The following ACTL7A variants were observed in gnomAD, a reference collection of about 807,000 sequenced individuals.
ACTL7A encodes actin-like protein 7A.
Under a neutral mutation model 30.3 loss-of-function variants are expected in ACTL7A, and 27 were observed. The observed-to-expected ratio is 0.89, with a 90% CI of 0.66 to 1.23. The LOEUF is 1.23. Ranked by LOEUF, ACTL7A falls within the 50% of genes most tolerant of loss-of-function variation. ACTL7A has a pLI of 0.00. For synonymous variants in ACTL7A, 259 were observed against 241.4 expected, an observed-to-expected ratio of 1.07 and a Z score of -0.67; for missense variants, 566 against 571.8, an observed-to-expected ratio of 0.99 and a Z score of 0.10.
chr9:108,862,381 A>T lies in ACTL7A; in HGVS notation c.59A>T (p.Gln20Leu). The stretch of plus-strand genomic sequence containing the variant: ...GGGCCCACCAAGAAGGTGGGCAACC[A>T]GGCCCCCCTGCAGACACAGGCCCTC... ...GDGPTKKVGN[Q>L]APLQTQALQT... The change falls in exon 1 of 1, where the codon CAG becomes CTG. Residue 20 changes from glutamine (Q) to leucine (L), a missense_variant. Coordinates refer to ENST00000333999, the MANE Select transcript of ACTL7A (RefSeq NM_006687.4). 1 of 1,613,918 alleles carries T rather than the reference A, an allele frequency of 6.2e-7. No homozygotes were observed. Among genetic ancestry groups the T allele is most frequent in the Non-Finnish European group, 8.5e-7 (1 of 1,179,982 alleles).
In ACTL7A at chr9:108,862,948, A is replaced by G. The variant is rs778033184; in HGVS notation, c.626A>G (p.Tyr209Cys). Residue 209 changes from tyrosine to cysteine, a missense_variant, in exon 1 of 1, where the codon TAT (tyrosine) becomes TGT (cysteine). Coordinates refer to ENST00000333999, the MANE Select transcript of ACTL7A (RefSeq NM_006687.4). ...CAGTCGCGCCTGTCCATGTACTCCTATGGAAGGACCTCCGGCCTGGTGGTG... is the reference window on the plus strand; with the variant it reads ...CAGTCGCGCCTGTCCATGTACTCCTGTGGAAGGACCTCCGGCCTGGTGGTG... ...AYQSRLSMYS[Y>C]GRTSGLVVEV... 169 of 1,610,124 alleles carry G rather than the reference A, an allele frequency of 1.0e-4. 1 individual carries two copies. In the South Asian group the frequency reaches 1.8e-3, roughly 17 times the overall value.
Position 108,862,912 on chromosome 9 carries a change from A to C in ACTL7A, c.590A>C (p.His197Pro). ...LFEAFNTPAMHIAYQSRLSMY... is the reference protein window; with the variant it reads ...LFEAFNTPAMPIAYQSRLSMY... ...GAAGCCTTCAACACCCCTGCAATGC[A>C]CATCGCCTACCAGTCGCGCCTGTCC... is the stretch of plus-strand genomic sequence containing the variant. Residue 197 changes from histidine to proline, a missense_variant, in exon 1 of 1, where the codon CAC (histidine) becomes CCC (proline). Coordinates refer to ENST00000333999, the MANE Select transcript of ACTL7A (RefSeq NM_006687.4). 14 of 1,611,358 alleles carry C rather than the reference A, an allele frequency of 8.7e-6. No homozygotes were observed. The highest frequency in any genetic ancestry group is 1.2e-5 in the Non-Finnish European group (14 of 1,178,452).
rs753762911 is a variant in ACTL7A, at chr9:108,863,625, T to C, written c.1303T>C (p.Phe435Leu). Residue 435 changes from phenylalanine (F) to leucine (L), a missense_variant, in exon 1 of 1, where the codon TTC becomes CTC. By Grantham distance (22) the Phe-to-Leu change is conservative. Coordinates refer to ENST00000333999, the MANE Select transcript of ACTL7A (RefSeq NM_006687.4). ...HGPFFLYRRC[F>L] is the part of the protein sequence containing the mutation. ...GCCTTTCTTCCTCTACAGAAGGTGC[T>C]TCTGAACAGCGACGAGGATGGACAC... is the stretch of plus-strand genomic sequence containing the variant. 1.2e-6 allele frequency: 2 copies of C among 1,604,434 alleles called. No homozygotes were observed. The highest frequency in any genetic ancestry group is 1.7e-6 in the Non-Finnish European group (2 of 1,174,248).
Position 108,862,550 on chromosome 9 carries a change from G to A in ACTL7A, c.228G>A (p.Leu76=). 6.2e-7 allele frequency: 1 copy of A among 1,614,130 alleles called. No individual in the cohort carries two copies. The highest frequency in any genetic ancestry group is 8.5e-7 in the Non-Finnish European group (1 of 1,180,020). ...QEVTKAVVVD[L]GTGYCKCGFA... is the part of the protein sequence containing the mutation. ...TGACCAAAGCAGTGGTCGTGGACCT[G>A]GGCACTGGCTACTGTAAATGTGGCT... The change falls in exon 1 of 1, where the codon CTG becomes CTA. Residue 76 remains leucine (L), a synonymous_variant. Transcript: ENST00000333999.
rs17851211 is a variant in ACTL7A at position 108,863,567 on chromosome 9, G to T, written c.1245G>T (p.Leu415Phe). Residue 415 changes from leucine to phenylalanine, a missense_variant, in exon 1 of 1, where the codon TTG becomes TTT. Leu to Phe is a conservative substitution (Grantham distance 22). Coordinates refer to ENST00000333999, the MANE Select transcript of ACTL7A (RefSeq NM_006687.4). ...CCTCACTTCAGGGTTTCCAACCATTGTGGGTCCACCGCTTTGAGTACGAGG... is the reference window on the plus strand; with the variant it reads ...CCTCACTTCAGGGTTTCCAACCATTTTGGGTCCACCGCTTTGAGTACGAGG... Reference protein sequence around the residue: ...ILASLQGFQPLWVHRFEYEEH... With the variant: ...ILASLQGFQPFWVHRFEYEEH... 6.2e-7 allele frequency: 1 copy of T among 1,614,062 alleles called. No homozygotes were observed. The highest frequency in any genetic ancestry group is 8.5e-7 in the Non-Finnish European group (1 of 1,180,036).
At position 108,862,713 on chromosome 9, in the gene ACTL7A, C is replaced by A. The variant is rs369642057; in HGVS notation, c.391C>A (p.Leu131Met). ...ELNNTNVHLK[L>M]VNPLRHGIIV... is the part of the protein sequence containing the mutation. ...CAACAACACAAACGTTCATCTCAAGCTGGTTAACCCTCTGCGACATGGCAT... is the reference window on the plus strand; with the variant it reads ...CAACAACACAAACGTTCATCTCAAGATGGTTAACCCTCTGCGACATGGCAT... Residue 131 changes from leucine (L) to methionine (M), a missense_variant, in exon 1 of 1, where the codon CTG becomes ATG. Transcript: ENST00000333999. 5.6e-6 allele frequency: 9 copies of A among 1,614,202 alleles called. No homozygotes were observed. Among genetic ancestry groups the A allele is most frequent in the Non-Finnish European group, 7.6e-6 (9 of 1,180,046 alleles).
Position 108,862,329 on chromosome 9 carries a change from G to C in ACTL7A, c.7G>C (p.Ala3Pro). 2 of 1,608,734 alleles carry C rather than the reference G, an allele frequency of 1.2e-6. No individual in the cohort carries two copies. The highest frequency in any genetic ancestry group is 4.5e-5 in the East Asian group (2 of 44,812). The stretch of plus-strand genomic sequence containing the variant: ...TGGTGCGGCTCTTGACAACATGTGG[G>C]CTCCACCAGCAGCAATCATGGGGGA... MW[A>P]PPAAIMGDGP... Residue 3 changes from alanine (A) to proline (P), a missense_variant, in exon 1 of 1, where the codon GCT (alanine) becomes CCT (proline). Ala to Pro is a conservative substitution (Grantham distance 27). Coordinates refer to ENST00000333999, the MANE Select transcript of ACTL7A (RefSeq NM_006687.4).
Position 108,863,690 on chromosome 9 carries a change from CCTA to C in ACTL7A, c.*62_*64del. 6.7e-7 allele frequency: 1 copy of C among 1,490,268 alleles called. No homozygotes were observed. The highest frequency in any genetic ancestry group is 1.3e-5 in the South Asian group (1 of 76,248). The allele number at this position is 1,490,268 out of a possible 1,614,324, so 92.3% of individuals were successfully genotyped here. A position where few individuals can be genotyped will look rare whatever the true frequency, so the allele number is the denominator to read the frequency against. On this transcript the variant is annotated 3_prime_UTR_variant, in exon 1 of 1. Coordinates refer to ENST00000333999, the MANE Select transcript of ACTL7A (RefSeq NM_006687.4). ...CTACCCTCGACAGGGTGAGCGCACT[CCTA>C]CACACAGGGGGTGGAGCCGGCGCTT... is the stretch of plus-strand genomic sequence containing the variant.
rs746348823 is a variant in ACTL7A at position 108,862,970 on chromosome 9, G to C, written c.648G>C (p.Val216=). Residue 216 remains valine (V), a synonymous_variant, in exon 1 of 1, where the codon GTG becomes GTC. Transcript: ENST00000333999. ...MYSYGRTSGL[V]VEVGHGVSYV... is the part of the protein sequence containing the mutation. ...CCTATGGAAGGACCTCCGGCCTGGT[G>C]GTGGAGGTGGGCCATGGCGTGTCCT... 7.5e-6 allele frequency: 12 copies of C among 1,609,392 alleles called. No homozygotes were observed. The highest frequency in any genetic ancestry group is 9.3e-6 in the Non-Finnish European group (11 of 1,177,170).
At position 108,862,456 on chromosome 9, in the gene ACTL7A, G is replaced by A. The variant is rs766550736; in HGVS notation, c.134G>A (p.Arg45His). 4.2e-5 allele frequency: 67 copies of A among 1,613,904 alleles called. No individual in the cohort carries two copies. Among genetic ancestry groups the A allele is most frequent in the South Asian group, 3.8e-4 (35 of 91,078 alleles). The change falls in exon 1 of 1, where the codon CGC (arginine) becomes CAC (histidine). Residue 45 changes from arginine to histidine, a missense_variant. Physicochemically the swap from Arg to His is conservative, Grantham distance 29. Coordinates refer to ENST00000333999, the MANE Select transcript of ACTL7A (RefSeq NM_006687.4). ...CCGGCGAAGCGGGCCGTGTGGGTCCGCCATACGAGTTCAGAGCCACAAGAA... is the reference window on the plus strand; with the variant it reads ...CCGGCGAAGCGGGCCGTGTGGGTCCACCATACGAGTTCAGAGCCACAAGAA... ...DGPAKRAVWV[R>H]HTSSEPQEPT... is the part of the protein sequence containing the mutation.
Position 108,863,256 on chromosome 9 carries a change from T to C in ACTL7A, c.934T>C (p.Cys312Arg). ...VLPDGKEIQLCQERFLCSEMF... is the reference protein window; with the variant it reads ...VLPDGKEIQLRQERFLCSEMF... ...GCCGGATGGGAAGGAGATTCAGCTG[T>C]GCCAGGAACGGTTCCTCTGCTCGGA... is the stretch of plus-strand genomic sequence containing the variant. The change falls in exon 1 of 1, where the codon TGC becomes CGC. Residue 312 changes from cysteine to arginine, a missense_variant. By Grantham distance (180) the Cys-to-Arg change is radical. Coordinates refer to ENST00000333999, the MANE Select transcript of ACTL7A (RefSeq NM_006687.4). 6.2e-7 allele frequency: 1 copy of C among 1,614,094 alleles called. No homozygotes were observed. The highest frequency in any genetic ancestry group is 1.1e-5 in the South Asian group (1 of 91,080).
Position 108,863,681 on chromosome 9 carries a change from G to A in ACTL7A, c.*51G>A. 2.6e-6 allele frequency: 4 copies of A among 1,528,116 alleles called. No individual in the cohort carries two copies. The highest frequency in any genetic ancestry group is 3.6e-6 in the Non-Finnish European group (4 of 1,126,372). The allele number at this position is 1,528,116 out of a possible 1,614,324, so 94.7% of individuals were successfully genotyped here. On this transcript the variant is annotated 3_prime_UTR_variant, in exon 1 of 1. Coordinates refer to ENST00000333999, the MANE Select transcript of ACTL7A (RefSeq NM_006687.4). ...TGGCAGTGCCTACCCTCGACAGGGTGAGCGCACTCCTACACACAGGGGGTG... is the reference window on the plus strand; with the variant it reads ...TGGCAGTGCCTACCCTCGACAGGGTAAGCGCACTCCTACACACAGGGGGTG...
Position 108,862,355 on chromosome 9 carries a change from TG to T in ACTL7A, c.36del (p.Thr14ProfsTer20). 1.2e-6 allele frequency: 2 copies of T among 1,613,282 alleles called. No homozygotes were observed. Among genetic ancestry groups the T allele is most frequent in the Non-Finnish European group, 1.7e-6 (2 of 1,179,760 alleles). ...WAPPAAIMGD[G>X]PTKKVGNQAP... is the part of the protein sequence containing the mutation. ...CTCCACCAGCAGCAATCATGGGGGA[TG>T]GGCCCACCAAGAAGGTGGGCAACCA... On this transcript the variant is annotated frameshift_variant, in exon 1 of 1. Transcript: ENST00000333999. LOFTEE classifies it high-confidence loss of function.
At position 108,863,663 on chromosome 9, in the gene ACTL7A, G is replaced by A. The variant is rs771744553; in HGVS notation, c.*33G>A. ...CGAGGATGGACACTGCACTGGCAGT[G>A]CCTACCCTCGACAGGGTGAGCGCAC... is the stretch of plus-strand genomic sequence containing the variant. On this transcript the variant is annotated 3_prime_UTR_variant, in exon 1 of 1. Transcript: ENST00000333999. 38 of 1,566,900 alleles carry A rather than the reference G, an allele frequency of 2.4e-5. No individual in the cohort carries two copies. Among genetic ancestry groups the A allele is most frequent in the Non-Finnish European group, 3.1e-5 (36 of 1,153,994 alleles).
Position 108,863,279 on chromosome 9 carries a change from G to C in ACTL7A, c.957G>C (p.Ser319=), listed in dbSNP as rs150177974. Residue 319 remains serine, a synonymous_variant, in exon 1 of 1, where the codon TCG becomes TCC. Transcript: ENST00000333999. ...TGTGCCAGGAACGGTTCCTCTGCTC[G>C]GAGATGTTCTTCAAGCCATCTCTCA... ...IQLCQERFLC[S]EMFFKPSLIK... The C allele has an allele frequency of 7.4e-6, 12 of 1,614,090 alleles. No individual in the cohort carries two copies. The highest frequency in any genetic ancestry group is 5.3e-5 in the African/African-American group (4 of 75,020).
chr9:108,862,709 C>T lies in ACTL7A; in HGVS notation c.387C>T (p.Leu129=), dbSNP rs1827182128. The T allele has an allele frequency of 6.2e-7, 1 of 1,614,174 alleles. No individual in the cohort carries two copies. The highest frequency in any genetic ancestry group is 1.7e-5 in the Admixed American group (1 of 60,024). ...AACTCAACAACACAAACGTTCATCT[C>T]AAGCTGGTTAACCCTCTGCGACATG... ...GQELNNTNVH[L]KLVNPLRHGI... The change falls in exon 1 of 1, where the codon CTC becomes CTT. Residue 129 remains leucine (L), a synonymous_variant. Coordinates refer to ENST00000333999, the MANE Select transcript of ACTL7A (RefSeq NM_006687.4).
rs147410710 is a variant in ACTL7A, at chr9:108,863,483, G to A, written c.1161G>A (p.Pro387=). 2.1e-4 allele frequency: 332 copies of A among 1,614,192 alleles called. No individual in the cohort carries two copies. The highest frequency in any genetic ancestry group is 6.7e-4 in the African/African-American group (50 of 75,066). The change falls in exon 1 of 1, where the codon CCG becomes CCA. Residue 387 remains proline, a synonymous_variant. Transcript: ENST00000333999. ...ELSSMCPNDT[P]QVNVLPERDS... ...GCAGCATGTGTCCCAATGACACCCC[G>A]CAGGTAAACGTGCTGCCTGAAAGAG...
In ACTL7A at chr9:108,862,997, C is replaced by G; in HGVS notation, c.675C>G (p.Tyr225Ter). 1.2e-6 allele frequency: 2 copies of G among 1,611,712 alleles called. No individual in the cohort carries two copies. Among genetic ancestry groups the G allele is most frequent in the Non-Finnish European group, 1.7e-6 (2 of 1,178,690 alleles). The change falls in exon 1 of 1, where the codon TAC (tyrosine) becomes TAG (stop). Residue 225 changes from tyrosine (Y) to a stop codon, truncating the protein, a stop_gained. Coordinates refer to ENST00000333999, the MANE Select transcript of ACTL7A (RefSeq NM_006687.4). LOFTEE classifies it high-confidence loss of function. The part of the protein sequence containing the change: ...LVVEVGHGVS[Y>*]VVPIYEGYPL... ...TGGAGGTGGGCCATGGCGTGTCCTA[C>G]GTGGTCCCCATCTACGAGGGTTATC... is the stretch of plus-strand genomic sequence containing the variant.
Position 108,862,724 on chromosome 9 carries a change from T to C in ACTL7A, c.402T>C (p.Pro134=). Residue 134 remains proline (P), a synonymous_variant, in exon 1 of 1, where the codon CCT becomes CCC. Coordinates refer to ENST00000333999, the MANE Select transcript of ACTL7A (RefSeq NM_006687.4). ...NTNVHLKLVN[P]LRHGIIVDWD... ...ACGTTCATCTCAAGCTGGTTAACCCTCTGCGACATGGCATCATCGTGGACT... is the reference window on the plus strand; with the variant it reads ...ACGTTCATCTCAAGCTGGTTAACCCCCTGCGACATGGCATCATCGTGGACT... The C allele has an allele frequency of 6.2e-7, 1 of 1,614,158 alleles. No homozygotes were observed.
Sources: gnomAD v4.1 joint callset for allele counts on GRCh38, gnomAD v4.1.1 for gene constraint, MANE v1.5 for transcripts, NCBI Gene and HGNC (gene_info 2026-07-23, HGNC 2026-07-21) for gene names.